LHFPL3: variants seen among roughly 807,000 people sequenced by gnomAD.
The protein encoded by LHFPL3 is LHFPL tetraspan subfamily member 3.
In LHFPL3, 5 loss-of-function variants were observed where a neutral mutation model predicts 19.3. The observed-to-expected ratio is 0.26, with a 90% CI of 0.14 to 0.54. LHFPL3 has a LOEUF of 0.54. Ranked by LOEUF, LHFPL3 falls within the 20% of genes least tolerant of loss-of-function variation. LHFPL3 has a pLI of 0.94. For missense variants in LHFPL3, 249 were observed against 307.4 expected, an observed-to-expected ratio of 0.81 and a Z score of 1.42; for synonymous variants, 133 against 126.2, an observed-to-expected ratio of 1.05 and a Z score of -0.36.
chr7:104,842,712 T>C (rs2116592340), intron 2 of LHFPL3, among the ~76,000 whole-genome samples: 1 of 152,374 alleles, frequency 6.6e-6, no homozygotes, highest in Middle Eastern at 3.4e-3. Flanking sequence ...TTATTTGAAA[T>C]GATTTCCTTT....
At chr7:104,867,060 G>A (rs1051442733) in intron 2 of LHFPL3, among the ~76,000 whole-genome samples, 25 of 152,176 alleles carry the variant, frequency 1.6e-4, no homozygotes, top group African/African-American at 6.0e-4. Flanking sequence ...CAGAATCTCT[G>A]GGACACATTC....
intron 1 of LHFPL3, among the ~76,000 whole-genome samples, chr7:104,390,633 A>G (rs573352169): frequency 1.7e-4 from 26 of 152,252 alleles, no homozygotes; most frequent in African/African-American, 6.3e-4. Flanking sequence ...GAATAGTGCC[A>G]CAATAAACAT....
chr7:104,749,718 A>G (rs1794124968), intron 2 of LHFPL3, among the ~76,000 whole-genome samples: 1 of 152,280 alleles, frequency 6.6e-6, no homozygotes, highest in South Asian at 2.1e-4. Context: ...GGCGAGAATG[A>G]AGGCTCAATA....
intron 1 of LHFPL3, among the ~76,000 whole-genome samples, chr7:104,360,483 T>C (rs1012929253): frequency 3.3e-5 from 5 of 152,126 alleles, no homozygotes; most frequent in Admixed American, 1.3e-4. Flanking sequence ...GGGAGGAAAC[T>C]GAGCAGGTGA....
chr7:104,388,367 A>C lies in LHFPL3; in HGVS notation c.445+59143A>C, dbSNP rs1171836887. 3.9e-5 allele frequency among the ~76,000 whole-genome samples: 6 copies of C among 152,084 alleles called. 1 individual carries two copies. In the East Asian group the frequency reaches 1.2e-3, roughly 29 times the overall value. ...GAGAGAATCTTGAAAGTGACAAGAG[A>C]GAAACAACTTATCATGTAAAAGGGA... On this transcript the variant is annotated intron_variant, in intron 1 of 2. Coordinates refer to ENST00000424859, the MANE Select transcript of LHFPL3 (RefSeq NM_199000.3).
intron 1 of LHFPL3, among the ~76,000 whole-genome samples, chr7:104,533,319 G>T (rs967017863): frequency 2.0e-5 from 3 of 152,010 alleles, no homozygotes; most frequent in Non-Finnish European, 2.9e-5. Flanking sequence ...TCTTCATGAG[G>T]TTTTTTCCTT....
chr7:104,682,207 C>CA (rs992475584), intron 1 of LHFPL3, among the ~76,000 whole-genome samples: 122 of 151,806 alleles, frequency 8.0e-4, no homozygotes, highest in Middle Eastern at 6.8e-3. Context: ...TTTCAATAGT[C>CA]AAAAAAAAGT....
chr7:104,495,778 C>T (rs1793462127), intron 1 of LHFPL3, among the ~76,000 whole-genome samples: 1 of 152,278 alleles, frequency 6.6e-6, no homozygotes, highest in South Asian at 2.1e-4. Context: ...TCACCTCAAC[C>T]CCCTAAAGTG....
intron 1 of LHFPL3, among the ~76,000 whole-genome samples, chr7:104,618,265 A>T (rs532393625): frequency 6.6e-6 from 1 of 152,368 alleles, no homozygotes; most frequent in South Asian, 2.1e-4. Flanking sequence ...AAATAATTTC[A>T]TCAATGCTTT....
chr7:104,772,188 A>G (rs948472786), intron 2 of LHFPL3, among the ~76,000 whole-genome samples: 4 of 152,228 alleles, frequency 2.6e-5, no homozygotes, highest in East Asian at 1.9e-4. Flanking sequence ...AACTGCTTAT[A>G]TTCATGGTAT....
intron 2 of LHFPL3, among the ~76,000 whole-genome samples, chr7:104,903,464 T>C (rs1269185016): frequency 3.7e-5 from 4 of 107,810 alleles, no homozygotes; most frequent in African/African-American, 6.6e-5. Context: ...TAGTTATACT[T>C]TTTTTTTTTT....
intron 2 of LHFPL3, among the ~76,000 whole-genome samples, chr7:104,834,345 A>G (rs1357775593): frequency 6.6e-6 from 1 of 151,702 alleles, no homozygotes; most frequent in African/African-American, 2.4e-5. Flanking sequence ...GAAAAAAAAA[A>G]GGAATAACTG....
intron 1 of LHFPL3, among the ~76,000 whole-genome samples, chr7:104,379,896 T>C (rs1428770457): frequency 1.3e-5 from 2 of 152,168 alleles, no homozygotes; most frequent in East Asian, 3.9e-4. Flanking sequence ...AGAAAGACCA[T>C]ATTTGGGTAT....
Position 104,759,253 on chromosome 7 carries a change from T to C in LHFPL3, c.682+22342T>C, listed in dbSNP as rs148009578. Among the ~76,000 whole-genome samples the C allele has an allele frequency of 9.9e-5, 15 of 152,280 alleles. No homozygotes were observed. In the East Asian group the frequency reaches 2.9e-3, roughly 29 times the overall value. ...AGTGCTGGAAGATGGAATGGGGACTTATCCCTCATAGAACTTTACTTAGGA... is the reference window on the plus strand; with the variant it reads ...AGTGCTGGAAGATGGAATGGGGACTCATCCCTCATAGAACTTTACTTAGGA... On this transcript the variant is annotated intron_variant, in intron 2 of 2. Coordinates refer to ENST00000424859, the MANE Select transcript of LHFPL3 (RefSeq NM_199000.3).
intron 2 of LHFPL3, among the ~76,000 whole-genome samples, chr7:104,792,032 C>T (rs1790033558): frequency 6.6e-6 from 1 of 152,138 alleles, no homozygotes; most frequent in Non-Finnish European, 1.5e-5. Flanking sequence ...AAGTTCAAAA[C>T]AGCAAGGTTT....
At chr7:104,669,254 C>G (rs1471713707) in intron 1 of LHFPL3, 3 of 1,613,932 alleles carry the variant, frequency 1.9e-6, no homozygotes, top group Non-Finnish European at 2.5e-6. Context: ...CAGCAATCCC[C>G]TACAAGTGGT....
At chr7:104,330,489 C>CA (rs1424090404) in intron 1 of LHFPL3, among the ~76,000 whole-genome samples, 10 of 152,084 alleles carry the variant, frequency 6.6e-5, no homozygotes, top group African/African-American at 2.4e-4. Context: ...AGGTGCTGGA[C>CA]AATAGCGTTA....
At chr7:104,586,643 G>A (rs189332806) in intron 1 of LHFPL3, among the ~76,000 whole-genome samples, 13 of 152,118 alleles carry the variant, frequency 8.5e-5, no homozygotes, top group East Asian at 3.9e-4. Flanking sequence ...TTTTAAAGAC[G>A]TCTAGTGGGT....
rs1240998042 is a variant in LHFPL3, at chr7:104,328,965, C to G, written c.186C>G (p.Gly62=). 1 of 1,614,064 alleles carries G rather than the reference C, an allele frequency of 6.2e-7. No homozygotes were observed. The highest frequency in any genetic ancestry group is 1.3e-5 in the African/African-American group (1 of 74,930). The change falls in exon 1 of 3, where the codon GGC becomes GGG. Residue 62 remains glycine (G), a synonymous_variant. Transcript: ENST00000424859. The surrounding 1 kb of genome is among the most constrained non-coding windows in gnomAD (Gnocchi z 4.6). ...VVCFIQPYWI[G]DGVDTPQAGY... The stretch of plus-strand genomic sequence containing the variant: ...GCTTCATCCAGCCCTACTGGATAGG[C>G]GACGGCGTGGACACCCCGCAAGCCG...
Sources: gnomAD v4.1 joint callset for allele counts (sites outside exome capture counted in the v4.1 genomes callset) on GRCh38, gnomAD v4.1.1 for gene constraint, Gnocchi (gnomAD v3.1) non-coding constraint, MANE v1.5 for transcripts, NCBI Gene and HGNC (gene_info 2026-07-23, HGNC 2026-07-21) for gene names.